The following MAB21L3 variants were observed in gnomAD, a reference collection of about 807,000 sequenced individuals.
The protein encoded by MAB21L3 is protein mab-21-like 3.
A neutral mutation model predicts 37.7 loss-of-function variants in MAB21L3; 36 were observed. The observed-to-expected ratio is 0.96, with a 90% CI of 0.73 to 1.26. MAB21L3 has a LOEUF of 1.26. MAB21L3 is among the 50% of genes most tolerant of loss of function. The pLI is 0.00. For synonymous variants in MAB21L3, 186 were observed against 176.8 expected (o/e 1.05, Z -0.41); for missense variants, 430 against 447.3 (o/e 0.96, Z 0.35).
In MAB21L3 at chr1:116,132,548, G is replaced by A. The variant is rs553723486; in HGVS notation, c.856-584G>A. On this transcript the variant is annotated intron_variant, in intron 7 of 7. Transcript: ENST00000369500. ...AAGAATCCATATTGGAGCAGACTGA[G>A]GCAAGAAATGGGAGGAGAGGAAATG... is the stretch of plus-strand genomic sequence containing the variant. Among the ~76,000 whole-genome samples the A allele has an allele frequency of 6.6e-5, 10 of 152,272 alleles. No individual in the cohort carries two copies. In the South Asian group the frequency reaches 1.7e-3, roughly 25 times the overall value.
chr1:116,121,884 C>T (rs952945738), intron 4 of MAB21L3, among the ~76,000 whole-genome samples: 1 of 152,172 alleles, frequency 6.6e-6, no homozygotes, highest in African/African-American at 2.4e-5. Context: ...GAAGTGAGAT[C>T]CTGAATCATT....
intron 7 of MAB21L3, 101 bp downstream of exon 7, chr1:116,128,440 A>G (rs10802157): frequency 0.26 from 291,916 of 1,135,414 alleles, 48,613 homozygotes; most frequent in African/African-American, 0.79. Context: ...CAGAAGGGGT[A>G]GCATGTGTGA....
At chr1:116,127,998 T>C in intron 6 of MAB21L3, 147 bp from the exon 7 acceptor site, 2 of 815,872 alleles carry the variant, frequency 2.5e-6, no homozygotes, top group Admixed American at 5.8e-5. Flanking sequence ...GCTTGTGGTC[T>C]CCCTGGCACC....
At chr1:116,133,016 T>C in intron 7 of MAB21L3, 116 bp from the exon 8 acceptor site, 1 of 829,776 alleles carries the variant, frequency 1.2e-6, no homozygotes, top group Middle Eastern at 2.2e-4. Flanking sequence ...AGATCCAGTC[T>C]GCCCAGGCAA....
At chr1:116,121,131 G>T in intron 4 of MAB21L3, 59 bp downstream of exon 4, 1 of 1,524,482 alleles carries the variant, frequency 6.6e-7, no homozygotes, top group South Asian at 1.2e-5. Flanking sequence ...TTGGGCAGGT[G>T]AATCTCAGTG....
At chr1:116,127,370 T>C in intron 5 of MAB21L3, 96 bp from the exon 6 acceptor site, 1 of 1,219,600 alleles carries the variant, frequency 8.2e-7, no homozygotes, top group Non-Finnish European at 1.2e-6. Context: ...AGTTGCAAGG[T>C]GCTGGTCAGA....
At position 116,136,688 on chromosome 1, in the gene MAB21L3, C is replaced by A. The variant is rs1437568030; in HGVS notation, c.*3323C>A. On this transcript the variant is annotated 3_prime_UTR_variant, in exon 8 of 8. Transcript: ENST00000369500. ...CCAAGTCAATTCTAAGCCAAAAGAA[C>A]AAAGCTGGAGGCATCACACTACCTG... is the stretch of plus-strand genomic sequence containing the variant. Among the ~76,000 whole-genome samples, 1 of 152,158 alleles carries A rather than the reference C, an allele frequency of 6.6e-6. No homozygotes were observed. Among genetic ancestry groups the A allele is most frequent in the Non-Finnish European group, 1.5e-5 (1 of 68,036 alleles).
At position 116,121,056 on chromosome 1, in the gene MAB21L3, A is replaced by G. The variant is rs987095120; in HGVS notation, c.173A>G (p.Tyr58Cys). 3 of 1,613,720 alleles carry G rather than the reference A, an allele frequency of 1.9e-6. No homozygotes were observed. The African/African-American group carries it at 4.0e-5, about 22-fold the overall frequency. Residue 58 changes from tyrosine to cysteine, a missense_variant, in exon 4 of 8, where the codon TAC (tyrosine) becomes TGC (cysteine). Physicochemically the swap from Tyr to Cys is radical, Grantham distance 194 (BLOSUM62 -2). Coordinates refer to ENST00000369500, the MANE Select transcript of MAB21L3 (RefSeq NM_152367.3). ...CAAGCTGTGCCTTACTCTGACACGT[A>G]CAATGAAAATATTAAGGTAAGCAAG... The part of the protein sequence containing the change: ...RFQAVPYSDT[Y>C]NENIKVLAPS...
Position 116,112,593 on chromosome 1 carries a change from T to C in MAB21L3, c.-23T>C. ...AAAAAAAACCAGGAAGTTGCTGTTC[T>C]ACTGAGGACTGACCAAGAAGCCATG... On this transcript the variant is annotated 5_prime_UTR_variant, in exon 3 of 8. Transcript: ENST00000369500. The C allele has an allele frequency of 1.9e-6, 3 of 1,606,110 alleles. No homozygotes were observed. Among genetic ancestry groups the C allele is most frequent in the Non-Finnish European group, 2.5e-6 (3 of 1,177,356 alleles).
In MAB21L3 at chr1:116,136,780, T is replaced by C. The variant is rs1360995975; in HGVS notation, c.*3415T>C. On this transcript the variant is annotated 3_prime_UTR_variant, in exon 8 of 8. Coordinates refer to ENST00000369500, the MANE Select transcript of MAB21L3 (RefSeq NM_152367.3). ...TGGTACTGGTACCAAAACAGGGATA[T>C]AGATCAATGGAACAGAACAGAGCCC... 2.6e-5 allele frequency among the ~76,000 whole-genome samples: 4 copies of C among 151,410 alleles called. No homozygotes were observed. Among genetic ancestry groups the C allele is most frequent in the African/African-American group, 4.9e-5 (2 of 41,198 alleles).
At chr1:116,131,743 A>G (rs1406865649) in intron 7 of MAB21L3, among the ~76,000 whole-genome samples, 2 of 152,150 alleles carry the variant, frequency 1.3e-5, no homozygotes, top group African/African-American at 2.4e-5. Context: ...ACCTTGAAGT[A>G]TTTTAGATGA....
chr1:116,132,525 G>T (rs1485067455), intron 7 of MAB21L3, among the ~76,000 whole-genome samples: 1 of 152,068 alleles, frequency 6.6e-6, no homozygotes, highest in South Asian at 2.1e-4. Flanking sequence ...AATGAGAGAA[G>T]AATCCATATT....
At chr1:116,125,363 C>T (rs1433040135) in intron 5 of MAB21L3, among the ~76,000 whole-genome samples, 1 of 152,082 alleles carries the variant, frequency 6.6e-6, no homozygotes, top group Non-Finnish European at 1.5e-5. Context: ...AATTGTGCAC[C>T]AGGATATTCT....
At chr1:116,131,199 C>A (rs1300371702) in intron 7 of MAB21L3, among the ~76,000 whole-genome samples, 1 of 152,198 alleles carries the variant, frequency 6.6e-6, no homozygotes, top group Admixed American at 6.5e-5. Flanking sequence ...ATAAAAACTA[C>A]TACTGTTGTC....
chr1:116,123,125 G>A (rs984653914), intron 4 of MAB21L3, among the ~76,000 whole-genome samples: 1 of 152,206 alleles, frequency 6.6e-6, no homozygotes, highest in Non-Finnish European at 1.5e-5. Context: ...ACTCACAGCC[G>A]AAGGCGTGCA....
rs1570817416 is a variant in MAB21L3 at position 116,134,919 on chromosome 1, C to T, written c.*1554C>T. On this transcript the variant is annotated 3_prime_UTR_variant, in exon 8 of 8. Coordinates refer to ENST00000369500, the MANE Select transcript of MAB21L3 (RefSeq NM_152367.3). ...CTTTTGAATGTTTTTGCCCAAATGT[C>T]TATACCAAAGATAAATTTCTAAAGC... 1 of 152,072 alleles carries T rather than the reference C, an allele frequency of 6.6e-6. No individual in the cohort carries two copies. The highest frequency in any genetic ancestry group is 1.9e-4 in the East Asian group (1 of 5,190). The allele number at this position is 152,072 out of a possible 1,614,324, so 9.4% of individuals were successfully genotyped here. A position where few individuals can be genotyped will look rare whatever the true frequency, so the allele number is the denominator to read the frequency against.
At chr1:116,129,266 A>G (rs1659998136) in intron 7 of MAB21L3, among the ~76,000 whole-genome samples, 1 of 152,142 alleles carries the variant, frequency 6.6e-6, no homozygotes, top group Admixed American at 6.5e-5. Context: ...GGGGCCTTTG[A>G]CCACCCTCCC....
chr1:116,125,830 C>G (rs541057968), intron 5 of MAB21L3, among the ~76,000 whole-genome samples: 1 of 145,938 alleles, frequency 6.9e-6, no homozygotes, highest in Admixed American at 6.6e-5. Context: ...TTCTGAAGTT[C>G]ACACACCTCA....
intron 7 of MAB21L3, among the ~76,000 whole-genome samples, chr1:116,130,800 G>A (rs1042393046): frequency 6.6e-6 from 1 of 152,126 alleles, no homozygotes; most frequent in East Asian, 1.9e-4. Context: ...TGCTTATAAT[G>A]AGCTTAACTG....
Sources: allele counts gnomAD v4.1 joint callset (sites outside exome capture counted in the v4.1 genomes callset), GRCh38; gene constraint gnomAD v4.1.1; transcripts MANE v1.5; gene names NCBI Gene and HGNC (gene_info 2026-07-23, HGNC 2026-07-21).